The following HGF variants were observed in gnomAD, a reference collection of about 807,000 sequenced individuals.
HGF encodes the protein fibroblast-derived tumor cytotoxic factor.
A neutral mutation model predicts 111.6 loss-of-function variants in HGF; 39 were observed. That is an observed-to-expected ratio of 0.35 (90% confidence interval 0.27 to 0.46). HGF has a LOEUF of 0.46. Among genes scored for constraint, HGF ranks in the 20% least tolerant of loss-of-function variants. HGF has a pLI of 1.00. For missense variants in HGF, 735 were observed against 910.5 expected (o/e 0.81, Z 2.48); for synonymous variants, 285 against 294.8 (o/e 0.97, Z 0.34).
intron 7 of HGF, among the ~76,000 whole-genome samples, chr7:81,738,063 T>A (rs1562888775): frequency 6.6e-6 from 1 of 152,004 alleles, no homozygotes; most frequent in Admixed American, 6.6e-5. Context: ...AACAATAGAC[T>A]GGGGCCCACC....
At chr7:81,764,688 CAA>C (rs1789272875) in intron 1 of HGF, among the ~76,000 whole-genome samples, 1 of 151,804 alleles carries the variant, frequency 6.6e-6, no homozygotes, top group African/African-American at 2.4e-5. Context: ...TATAAATACG[CAA>C]AGTTTTAGTT....
At chr7:81,747,231 C>T (rs188847665) in intron 5 of HGF, among the ~76,000 whole-genome samples, 9 of 152,140 alleles carry the variant, frequency 5.9e-5, no homozygotes, top group Admixed American at 4.6e-4. Context: ...CCCAGCTACT[C>T]GGGAGGCTGA....
At chr7:81,768,237 G>A (rs948606971) in intron 1 of HGF, among the ~76,000 whole-genome samples, 6 of 152,180 alleles carry the variant, frequency 3.9e-5, no homozygotes, top group South Asian at 2.1e-4. Context: ...TTCCCCTTGC[G>A]TTAGCACAGA....
At position 81,701,601 on chromosome 7, in the gene HGF, T is replaced by C. The variant is rs192611863; in HGVS notation, c.*980A>G. 51 of 151,728 alleles carry C rather than the reference T, an allele frequency of 3.4e-4. No homozygotes were observed. The highest frequency in any genetic ancestry group is 3.4e-3 in the Middle Eastern group (1 of 294). The allele number at this position is 151,728 out of a possible 1,614,324, so 9.4% of individuals were successfully genotyped here. A position where few individuals can be genotyped will look rare whatever the true frequency, so the allele number is the denominator to read the frequency against. On this transcript the variant is annotated 3_prime_UTR_variant, in exon 18 of 18. Transcript: ENST00000222390. ...ACACTTTTAAACTTCTTCAATTAGA[T>C]ACTGATCTGAGCACTTAAGAAATGC...
At chr7:81,736,389 T>C (rs1787826848) in intron 7 of HGF, among the ~76,000 whole-genome samples, 1 of 152,106 alleles carries the variant, frequency 6.6e-6, no homozygotes, top group Non-Finnish European at 1.5e-5. Flanking sequence ...TTTGTAGTGC[T>C]GATACCCAAG....
At chr7:81,727,101 C>T (rs1021428095) in intron 8 of HGF, among the ~76,000 whole-genome samples, 7 of 149,730 alleles carry the variant, frequency 4.7e-5, no homozygotes, top group African/African-American at 1.5e-4. Context: ...AGTGCAGTGG[C>T]GTGATATCGG....
At chr7:81,721,844 G>A (rs1163577631) in intron 9 of HGF, among the ~76,000 whole-genome samples, 1 of 152,184 alleles carries the variant, frequency 6.6e-6, no homozygotes, top group Non-Finnish European at 1.5e-5. Flanking sequence ...GGGCCTTTGA[G>A]TCTGAATAAA....
chr7:81,712,231 A>C (rs547676816), intron 11 of HGF, among the ~76,000 whole-genome samples: 2 of 152,074 alleles, frequency 1.3e-5, no homozygotes, highest in African/African-American at 4.8e-5. Context: ...ATTATTGTCT[A>C]CTTGGACTCT....
In HGF at chr7:81,752,190, C is replaced by A. The variant is rs1186071281; in HGVS notation, c.555G>T (p.Gly185=). ...NYCRNPRGEE[G]GPWCFTSNPE... ...GATTGCTTGTGAAACACCAGGGTCC[C>A]CCTTCTTCCCCTCGAGGATTTCGAC... is the stretch of plus-strand genomic sequence containing the variant. Residue 185 remains glycine (G), a synonymous_variant, in exon 5 of 18, where the codon GGG becomes GGT. Coordinates refer to ENST00000222390, the MANE Select transcript of HGF (RefSeq NM_000601.6). The A allele has an allele frequency of 6.2e-7, 1 of 1,613,518 alleles. No individual in the cohort carries two copies. The highest frequency in any genetic ancestry group is 8.5e-7 in the Non-Finnish European group (1 of 1,179,582).
intron 12 of HGF, 44 bp downstream of exon 12, chr7:81,711,437 G>C (rs1789567636): frequency 8.8e-7 from 1 of 1,140,076 alleles, no homozygotes; most frequent in South Asian, 1.4e-5. Context: ...CTGACACACA[G>C]AGAGAGACTC....
At chr7:81,728,159 G>T (rs1790069442) in intron 8 of HGF, among the ~76,000 whole-genome samples, 2 of 152,156 alleles carry the variant, frequency 1.3e-5, no homozygotes, top group Admixed American at 1.3e-4. Context: ...AATGTCCTGA[G>T]AAAAATGTTG....
chr7:81,700,172 A>G lies in HGF; in HGVS notation c.*2409T>C, dbSNP rs1789245550. ...AATAAAGTGGATTGTTGGATTTTTAAAAATGTTTAATGATTTATTCAGCAA... is the reference window on the plus strand; with the variant it reads ...AATAAAGTGGATTGTTGGATTTTTAGAAATGTTTAATGATTTATTCAGCAA... On this transcript the variant is annotated 3_prime_UTR_variant, in exon 18 of 18. Coordinates refer to ENST00000222390, the MANE Select transcript of HGF (RefSeq NM_000601.6). 6.6e-6 allele frequency: 1 copy of G among 151,686 alleles called. No individual in the cohort carries two copies. The allele number at this position is 151,686 out of a possible 1,614,324, so 9.4% of individuals were successfully genotyped here.
intron 4 of HGF, chr7:81,756,411 G>C (rs1170959100): frequency 4.6e-6 from 1 of 219,548 alleles, no homozygotes; most frequent in Non-Finnish European, 8.8e-6. Flanking sequence ...ATAAAATTGT[G>C]TGTGAAATAA....
chr7:81,719,457 G>T (rs770785055), intron 10 of HGF, among the ~76,000 whole-genome samples: 1 of 152,270 alleles, frequency 6.6e-6, no homozygotes, highest in African/African-American at 2.4e-5. Flanking sequence ...TATGGCTACT[G>T]AGAAATTGAT....
At chr7:81,742,718 A>G in intron 7 of HGF, 2 of 1,419,294 alleles carry the variant, frequency 1.4e-6, no homozygotes, top group Non-Finnish European at 9.2e-7. Flanking sequence ...TTTATTGTAA[A>G]TTCAGAAAAG....
intron 7 of HGF, among the ~76,000 whole-genome samples, chr7:81,736,894 G>GTGTGT (rs1554369033): frequency 1.4e-5 from 2 of 141,966 alleles, no homozygotes; most frequent in Non-Finnish European, 3.1e-5. Context: ...TGTGTAGAGG[G>GTGTGT]GTGTGTGTGT....
At position 81,711,532 on chromosome 7, in the gene HGF, A is replaced by G. The variant is rs1182825846; in HGVS notation, c.1406-13T>C. The G allele has an allele frequency of 8.0e-7, 1 of 1,243,776 alleles. No individual in the cohort carries two copies. The highest frequency in any genetic ancestry group is 1.5e-5 in the African/African-American group (1 of 67,164). The allele number at this position is 1,243,776 out of a possible 1,614,324, so 77.0% of individuals were successfully genotyped here. ...GTATCACCTTCACCTGTAAAAATAA[A>G]TGTATAGATAAATACACAATTCATA... On this transcript the variant is annotated splice_polypyrimidine_tract_variant and intron_variant, in intron 11 of 17. Coordinates refer to ENST00000222390, the MANE Select transcript of HGF (RefSeq NM_000601.6).
At chr7:81,726,309 C>T (rs1470942675) in intron 8 of HGF, among the ~76,000 whole-genome samples, 2 of 152,146 alleles carry the variant, frequency 1.3e-5, no homozygotes, top group South Asian at 2.1e-4. Flanking sequence ...GCATTCTTCT[C>T]ACTCAGTCTT....
intron 4 of HGF, chr7:81,756,933 G>A (rs750687161): frequency 5.0e-5 from 25 of 502,994 alleles, no homozygotes; most frequent in East Asian, 1.7e-4. Context: ...CGAAGTTTAC[G>A]TTATTATTTC....
Sources: gnomAD v4.1 joint callset for allele counts (sites outside exome capture counted in the v4.1 genomes callset) on GRCh38, gnomAD v4.1.1 for gene constraint, MANE v1.5 for transcripts, NCBI Gene and HGNC (gene_info 2026-07-23, HGNC 2026-07-21) for gene names.